Variants in NFIX observed in about 807,000 individuals in gnomAD.
The protein encoded by NFIX is nuclear factor 1 X-type.
In NFIX, 2 loss-of-function variants were observed where a neutral mutation model predicts 53.3. The observed-to-expected ratio is 0.04, with a 90% CI of 0.02 to 0.12. The LOEUF is 0.12. Among genes scored for constraint, NFIX ranks in the 10% least tolerant of loss-of-function variants. The probability of loss-of-function intolerance (pLI) is 1.00; values close to 1 mark genes in which losing one functional copy is unlikely to be tolerated. For synonymous variants in NFIX, 244 were observed against 289.0 expected, an observed-to-expected ratio of 0.84 and a Z score of 1.58; for missense variants, 310 against 674.5, an observed-to-expected ratio of 0.46 and a Z score of 5.99.
chr19:12,995,908 G>T (rs2011447064), intron 1 of NFIX, 44 bp downstream of exon 1: 1 of 945,162 alleles, frequency 1.1e-6, no homozygotes, highest in Non-Finnish European at 1.3e-6. Context: ...GGGAGCGGGC[G>T]CGGGAGGCCG....
At chr19:13,039,228 C>CCCCCCCA (rs796212249) in intron 2 of NFIX, among the ~76,000 whole-genome samples, 1 of 144,522 alleles carries the variant, frequency 6.9e-6, no homozygotes, top group Non-Finnish European at 1.5e-5. Flanking sequence ...ACACCCCCCC[C>CCCCCCCA]CACACACACA....
chr19:13,020,135 T>C (rs958523241), intron 1 of NFIX, among the ~76,000 whole-genome samples: 1 of 152,152 alleles, frequency 6.6e-6, no homozygotes, highest in Non-Finnish European at 1.5e-5. Flanking sequence ...TGGTGCAGGA[T>C]GTAAAGCGGT....
In NFIX at chr19:13,009,397, A is replaced by T. The variant is rs1332783115; in HGVS notation, c.27+13533A>T. ...TGAGTAACCTGTTTTACAGATGAGGAAACAGAGGCCGCAAGGTCAAGTGCC... is the reference window on the plus strand; with the variant it reads ...TGAGTAACCTGTTTTACAGATGAGGTAACAGAGGCCGCAAGGTCAAGTGCC... On this transcript the variant is annotated intron_variant, in intron 1 of 10. Transcript: ENST00000592199. This position sits in a 1 kb window ranked among gnomAD's most constrained non-coding sequence, Gnocchi z 4.7. 6.6e-6 allele frequency among the ~76,000 whole-genome samples: 1 copy of T among 152,200 alleles called. No homozygotes were observed. The highest frequency in any genetic ancestry group is 1.5e-5 in the Non-Finnish European group (1 of 68,034).
At chr19:13,057,273 A>G (rs2015760809) in intron 2 of NFIX, among the ~76,000 whole-genome samples, 1 of 152,190 alleles carries the variant, frequency 6.6e-6, no homozygotes, top group Non-Finnish European at 1.5e-5. Flanking sequence ...GCCTGTGCAG[A>G]GCGGGGAGCG....
At chr19:13,048,894 G>A (rs2015154106) in intron 2 of NFIX, among the ~76,000 whole-genome samples, 1 of 152,102 alleles carries the variant, frequency 6.6e-6, no homozygotes, top group East Asian at 1.9e-4. Flanking sequence ...CCAGCATGGT[G>A]AAACCCTGTC....
In NFIX at chr19:13,009,051, C is replaced by T. The variant is rs977486107; in HGVS notation, c.27+13187C>T. On this transcript the variant is annotated intron_variant, in intron 1 of 10. Coordinates refer to ENST00000592199, the MANE Select transcript of NFIX (RefSeq NM_001365902.3). The surrounding 1 kb of genome is among the most constrained non-coding windows in gnomAD (Gnocchi z 4.7). ...CTGCCTCATCCCCACTCACAGTCAA[C>T]GCCCGCAACACCCCGCCACCCGCAG... is the stretch of plus-strand genomic sequence containing the variant. 6.6e-6 allele frequency among the ~76,000 whole-genome samples: 1 copy of T among 152,230 alleles called. No individual in the cohort carries two copies. Among genetic ancestry groups the T allele is most frequent in the Non-Finnish European group, 1.5e-5 (1 of 68,038 alleles).
chr19:13,067,472 G>A lies in NFIX; in HGVS notation c.560-5575G>A, dbSNP rs561055920. Among the ~76,000 whole-genome samples, 1 of 117,006 alleles carries A rather than the reference G, an allele frequency of 8.5e-6. No individual in the cohort carries two copies. Among genetic ancestry groups the A allele is most frequent in the Admixed American group, 8.9e-5 (1 of 11,250 alleles). 76.8% of individuals were successfully genotyped at this position (117,006 alleles called of 152,430 possible). A position where few individuals can be genotyped will look rare whatever the true frequency, so the allele number is the denominator to read the frequency against. ...TCCGTGTGTGTGCGCGCGTGTGTGT[G>A]TGTGTGTGTGCGTGTGTGTGTGTGT... On this transcript the variant is annotated intron_variant, in intron 2 of 10. Transcript: ENST00000592199. The surrounding 1 kb of genome is among the most constrained non-coding windows in gnomAD (Gnocchi z 4.2).
At position 13,002,172 on chromosome 19, in the gene NFIX, C is replaced by T. The variant is rs2011741887; in HGVS notation, c.27+6308C>T. Among the ~76,000 whole-genome samples the T allele has an allele frequency of 6.6e-6, 1 of 151,784 alleles. No homozygotes were observed. Among genetic ancestry groups the T allele is most frequent in the African/African-American group, 2.4e-5 (1 of 41,304 alleles). On this transcript the variant is annotated intron_variant, in intron 1 of 10. Coordinates refer to ENST00000592199, the MANE Select transcript of NFIX (RefSeq NM_001365902.3). The surrounding 1 kb of genome is among the most constrained non-coding windows in gnomAD (Gnocchi z 6.1). ...GGCTCTGAGGGCGCGGATTTGGAAACTGAGGTCCCCCCTTCTTTCCCCCTT... is the reference window on the plus strand; with the variant it reads ...GGCTCTGAGGGCGCGGATTTGGAAATTGAGGTCCCCCCTTCTTTCCCCCTT...
chr19:13,028,931 C>A lies in NFIX; in HGVS notation c.559+3379C>A. ...CTTCCCTGACACCTAAGCCTTGGTC[C>A]TAGGAAAGAAAAAAAAAAATCCAAA... On this transcript the variant is annotated intron_variant, in intron 2 of 10. Transcript: ENST00000592199. This position sits in a 1 kb window ranked among gnomAD's most constrained non-coding sequence, Gnocchi z 4.2. 6.6e-6 allele frequency among the ~76,000 whole-genome samples: 1 copy of A among 151,752 alleles called. No individual in the cohort carries two copies. The highest frequency in any genetic ancestry group is 2.1e-4 in the South Asian group (1 of 4,814).
chr19:13,053,205 G>T (rs1011078037), intron 2 of NFIX, among the ~76,000 whole-genome samples: 7 of 152,142 alleles, frequency 4.6e-5, no homozygotes, highest in African/African-American at 1.7e-4. Context: ...TGGGGGTCAG[G>T]CTGGCTGAGG....
intron 1 of NFIX, 95 bp downstream of exon 1, chr19:12,995,959 G>C (rs955469622): frequency 8.7e-6 from 4 of 462,032 alleles, no homozygotes; most frequent in African/African-American, 6.4e-5. Flanking sequence ...CGGCCGGGAA[G>C]GGGGGGCCGA....
intron 2 of NFIX, among the ~76,000 whole-genome samples, chr19:13,031,967 C>T (rs1018172821): frequency 1.3e-5 from 2 of 152,138 alleles, no homozygotes; most frequent in Admixed American, 6.5e-5. Flanking sequence ...CTGTCCGTCC[C>T]ATCCCTCCAC....
rs183935392 is a variant in NFIX at position 13,094,927 on chromosome 19, T to A, written c.*278T>A. 1.5e-5 allele frequency: 7 copies of A among 458,956 alleles called. No individual in the cohort carries two copies. The allele number at this position is 458,956 out of a possible 1,614,324, so 28.4% of individuals were successfully genotyped here. On this transcript the variant is annotated 3_prime_UTR_variant, in exon 11 of 11. Coordinates refer to ENST00000592199, the MANE Select transcript of NFIX (RefSeq NM_001365902.3). This position sits in a 1 kb window ranked among gnomAD's most constrained non-coding sequence, Gnocchi z 4.3. Reference sequence around the variant, plus strand: ...AACACGCGACATGGACTCTGTCAAGTAGAGGACAGAAAGCAAGAAAGGATG... The same window carrying A: ...AACACGCGACATGGACTCTGTCAAGAAGAGGACAGAAAGCAAGAAAGGATG...
Position 12,998,138 on chromosome 19 carries a change from G to C in NFIX, c.27+2274G>C, listed in dbSNP as rs746421935. 3.3e-5 allele frequency among the ~76,000 whole-genome samples: 5 copies of C among 151,926 alleles called. No individual in the cohort carries two copies. The highest frequency in any genetic ancestry group is 5.9e-5 in the Non-Finnish European group (4 of 67,994). On this transcript the variant is annotated intron_variant, in intron 1 of 10. Coordinates refer to ENST00000592199, the MANE Select transcript of NFIX (RefSeq NM_001365902.3). The surrounding 1 kb of genome is among the most constrained non-coding windows in gnomAD (Gnocchi z 4.4). ...CTCTTTCCTTTGCTGTCTTTTTCTC[G>C]GTCTGTTTTTATCGGTCTCTGGTGT...
At chr19:13,075,068 T>TTAAAA (rs556561337) in intron 5 of NFIX, among the ~76,000 whole-genome samples, 4 of 73,702 alleles carry the variant, frequency 5.4e-5, no homozygotes, top group African/African-American at 2.0e-4. Context: ...AGACTCCATC[T>TTAAAA]AAAAAAAAAA....
intron 2 of NFIX, among the ~76,000 whole-genome samples, chr19:13,055,223 C>G (rs1289950911): frequency 2.0e-5 from 3 of 151,464 alleles, no homozygotes; most frequent in Non-Finnish European, 4.4e-5. Context: ...ACAACCCTCC[C>G]CCCCTCCCCA....
rs1398703630 is a variant in NFIX at position 13,093,926 on chromosome 19, G to A, written c.1495-709G>A. Among the ~76,000 whole-genome samples the A allele has an allele frequency of 1.3e-5, 2 of 152,164 alleles. No homozygotes were observed. Among genetic ancestry groups the A allele is most frequent in the Non-Finnish European group, 2.9e-5 (2 of 68,022 alleles). On this transcript the variant is annotated intron_variant, in intron 10 of 10. Coordinates refer to ENST00000592199, the MANE Select transcript of NFIX (RefSeq NM_001365902.3). This position sits in a 1 kb window ranked among gnomAD's most constrained non-coding sequence, Gnocchi z 4.7. Reference sequence around the variant, plus strand: ...TGAGCTGAGCCACCAGACACAGGCAGACAAGACAAGGCCCTGTCTGTGGGA... The same window carrying A: ...TGAGCTGAGCCACCAGACACAGGCAAACAAGACAAGGCCCTGTCTGTGGGA...
Position 13,012,759 on chromosome 19 carries a change from C to T in NFIX, c.28-12262C>T, listed in dbSNP as rs144020666. ...TGGGAGAGTTTGGGGTTTAACTGCCCCCAAATCCGAGGACAGCTTGGGGGC... is the reference window on the plus strand; with the variant it reads ...TGGGAGAGTTTGGGGTTTAACTGCCTCCAAATCCGAGGACAGCTTGGGGGC... On this transcript the variant is annotated intron_variant, in intron 1 of 10. Transcript: ENST00000592199. The surrounding 1 kb of genome is among the most constrained non-coding windows in gnomAD (Gnocchi z 5.0). Among the ~76,000 whole-genome samples, 382 of 152,252 alleles carry T rather than the reference C, an allele frequency of 2.5e-3. 2 individuals are homozygous for T. Among genetic ancestry groups the T allele is most frequent in the Non-Finnish European group, 4.3e-3 (292 of 68,006 alleles).
intron 5 of NFIX, among the ~76,000 whole-genome samples, chr19:13,075,068 T>TAAA (rs57860606): frequency 6.8e-5 from 5 of 73,692 alleles, no homozygotes; most frequent in Middle Eastern, 7.7e-3. Flanking sequence ...AGACTCCATC[T>TAAA]AAAAAAAAAA....
Sources: gnomAD v4.1 joint callset for allele counts (sites outside exome capture counted in the v4.1 genomes callset) on GRCh38, gnomAD v4.1.1 for gene constraint, Gnocchi (gnomAD v3.1) non-coding constraint, MANE v1.5 for transcripts, NCBI Gene and HGNC (gene_info 2026-07-23, HGNC 2026-07-21) for gene names.